SND1: variants seen among roughly 807,000 people sequenced by gnomAD.
SND1 encodes the protein staphylococcal nuclease and tudor domain containing 1, also known as staphylococcal nuclease domain-containing protein 1.
SND1 carries 38 observed loss-of-function variants against 121.7 expected under a neutral mutation model. That is an observed-to-expected ratio of 0.31 (90% CI 0.24 to 0.41). SND1 has a LOEUF of 0.41. Among genes scored for constraint, SND1 ranks in the 10% least tolerant of loss-of-function variants. The probability of loss-of-function intolerance (pLI) is 1.00; values close to 1 mark genes in which losing one functional copy is unlikely to be tolerated. For missense variants in SND1, 868 were observed against 1,184.6 expected (o/e 0.73, Z 3.92); for synonymous variants, 401 against 447.4 (o/e 0.90, Z 1.31).
At chr7:127,664,376 G>T (rs536189292) in intron 1 of SND1, among the ~76,000 whole-genome samples, 6 of 152,260 alleles carry the variant, frequency 3.9e-5, no homozygotes, top group African/African-American at 1.4e-4. Context: ...AATCACTGAT[G>T]GCCAGTCATT....
At chr7:127,846,035 T>C (rs1264738205) in intron 12 of SND1, among the ~76,000 whole-genome samples, 2 of 152,218 alleles carry the variant, frequency 1.3e-5, no homozygotes, top group East Asian at 3.9e-4. Flanking sequence ...AGCCTTCCTC[T>C]CTGCAAATGT....
chr7:128,086,538 G>A, intron 20 of SND1: 1 of 302,140 alleles, frequency 3.3e-6, no homozygotes, highest in Non-Finnish European at 6.4e-6. Context: ...TGACCACAGG[G>A]ATACTTGTCT....
At chr7:127,715,691 C>A (rs572152028) in intron 9 of SND1, among the ~76,000 whole-genome samples, 1 of 151,974 alleles carries the variant, frequency 6.6e-6, no homozygotes, top group Non-Finnish European at 1.5e-5. Context: ...TTGTCAGTTG[C>A]CTTTTACTTT....
chr7:127,961,907 C>T (rs1176799771), intron 15 of SND1, among the ~76,000 whole-genome samples: 2 of 152,180 alleles, frequency 1.3e-5, no homozygotes, highest in South Asian at 2.1e-4. Flanking sequence ...TTGGCCGAAG[C>T]GCCTCTTATC....
At chr7:128,074,835 C>G in intron 17 of SND1, 145 bp downstream of exon 17, 1 of 780,604 alleles carries the variant, frequency 1.3e-6, no homozygotes, top group Non-Finnish European at 2.0e-6. Context: ...CACACCAAGG[C>G]CACACACAGG....
At chr7:128,043,246 C>G (rs1421854103) in intron 16 of SND1, among the ~76,000 whole-genome samples, 1 of 152,114 alleles carries the variant, frequency 6.6e-6, no homozygotes, top group Admixed American at 6.6e-5. Context: ...TAATACCAGC[C>G]TCATCTTTGC....
At chr7:127,694,355 C>T (rs773638031) in intron 2 of SND1, among the ~76,000 whole-genome samples, 4 of 152,156 alleles carry the variant, frequency 2.6e-5, no homozygotes, top group Non-Finnish European at 4.4e-5. Flanking sequence ...TGGAAAGAGG[C>T]GGAGAAATGG....
At chr7:127,694,791 G>A in intron 2 of SND1, 37 bp from the exon 3 acceptor site, 1 of 1,609,656 alleles carries the variant, frequency 6.2e-7, no homozygotes, top group South Asian at 1.1e-5. Flanking sequence ...TCTGAAACTA[G>A]GCAGTTCTCA....
intron 15 of SND1, among the ~76,000 whole-genome samples, chr7:127,974,333 G>C (rs1802065566): frequency 6.6e-6 from 1 of 152,204 alleles, no homozygotes; most frequent in Non-Finnish European, 1.5e-5. Context: ...AGGTGAATTT[G>C]GAGTGGTTTG....
At chr7:127,756,688 A>G (rs1384507551) in intron 10 of SND1, among the ~76,000 whole-genome samples, 1 of 152,176 alleles carries the variant, frequency 6.6e-6, no homozygotes, top group African/African-American at 2.4e-5. Context: ...GGCGACTTAG[A>G]ATCTGAGCTT....
intron 10 of SND1, among the ~76,000 whole-genome samples, chr7:127,749,921 A>G (rs1797055488): frequency 6.6e-6 from 1 of 152,190 alleles, no homozygotes; most frequent in African/African-American, 2.4e-5. Flanking sequence ...AACTTGGACA[A>G]CATAGTGAGA....
At chr7:127,707,050 C>A (rs902334235) in intron 8 of SND1, among the ~76,000 whole-genome samples, 1 of 152,126 alleles carries the variant, frequency 6.6e-6, no homozygotes, top group Non-Finnish European at 1.5e-5. Flanking sequence ...TTTCTGGCTA[C>A]ATAGGTTTTT....
chr7:127,855,117 G>A (rs1457860386), intron 12 of SND1, among the ~76,000 whole-genome samples: 1 of 151,524 alleles, frequency 6.6e-6, no homozygotes, highest in Non-Finnish European at 1.5e-5. Context: ...TTGATATTAA[G>A]ATTCTATGGA....
chr7:128,024,238 C>G (rs1803423952), intron 16 of SND1, among the ~76,000 whole-genome samples: 1 of 152,068 alleles, frequency 6.6e-6, no homozygotes, highest in East Asian at 1.9e-4. Flanking sequence ...GGAGTGAGAC[C>G]AAGAGAGTTG....
At position 127,719,825 on chromosome 7, in the gene SND1, C is replaced by T. The variant is rs1325576329; in HGVS notation, c.1039-1462C>T. Among the ~76,000 whole-genome samples the T allele has an allele frequency of 2.0e-5, 3 of 152,162 alleles. No homozygotes were observed. In the South Asian group the frequency reaches 6.2e-4, roughly 31 times the overall value. Reference sequence around the variant, plus strand: ...CTTCCCATCCACCAGCCATAGTAAACCTTCTATGGACTTACAGATTGATTC... The same window carrying T: ...CTTCCCATCCACCAGCCATAGTAAATCTTCTATGGACTTACAGATTGATTC... On this transcript the variant is annotated intron_variant, in intron 9 of 23. Coordinates refer to ENST00000354725, the MANE Select transcript of SND1 (RefSeq NM_014390.4).
chr7:127,786,093 C>A (rs1052535831), intron 10 of SND1, among the ~76,000 whole-genome samples: 1 of 151,844 alleles, frequency 6.6e-6, no homozygotes, highest in African/African-American at 2.4e-5. Context: ...TTGTTGACAT[C>A]CTTTTTTTTT....
intron 16 of SND1, chr7:128,030,666 T>C: frequency 2.0e-6 from 3 of 1,524,426 alleles, no homozygotes; most frequent in Non-Finnish European, 2.6e-6. Context: ...TAATTCACCA[T>C]CGCCTGGGAT....
chr7:128,000,766 A>G (rs1455702691), intron 16 of SND1, among the ~76,000 whole-genome samples: 1 of 152,206 alleles, frequency 6.6e-6, no homozygotes, highest in Non-Finnish European at 1.5e-5. Context: ...TTGTCTGAAT[A>G]TCCCCTATGG....
At chr7:127,729,574 A>G (rs185811183) in intron 10 of SND1, among the ~76,000 whole-genome samples, 1 of 151,818 alleles carries the variant, frequency 6.6e-6, no homozygotes, top group East Asian at 1.9e-4. Flanking sequence ...TTGTACTGGG[A>G]AAATTTTGTG....
Sources: gnomAD v4.1 joint callset for allele counts (sites outside exome capture counted in the v4.1 genomes callset) on GRCh38, gnomAD v4.1.1 for gene constraint, MANE v1.5 for transcripts, NCBI Gene and HGNC (gene_info 2026-07-23, HGNC 2026-07-21) for gene names.